The following EPS15 variants were observed in gnomAD, a reference collection of about 807,000 sequenced individuals.
EPS15 encodes epidermal growth factor receptor pathway substrate 15, also known as epidermal growth factor receptor substrate 15.
EPS15 carries 72 observed loss-of-function variants against 113.8 expected under a neutral mutation model. The observed-to-expected ratio is 0.63, with a 90% CI of 0.52 to 0.77. The LOEUF (loss-of-function observed/expected upper bound fraction) is 0.77. Ranked by LOEUF, EPS15 falls within the 30% of genes least tolerant of loss-of-function variation. The pLI is 0.00. For missense variants in EPS15, 1,048 were observed against 1,045.8 expected, an observed-to-expected ratio of 1.00 and a Z score of -0.03; for synonymous variants, 344 against 363.4, an observed-to-expected ratio of 0.95 and a Z score of 0.61.
intron 18 of EPS15, among the ~76,000 whole-genome samples, chr1:51,401,413 T>C (rs1375254169): frequency 6.6e-6 from 1 of 152,200 alleles, no homozygotes; most frequent in African/African-American, 2.4e-5. Context: ...TTAGGACAAC[T>C]GGATATCCAC....
At chr1:51,483,803 TA>T (rs112681342) in intron 1 of EPS15, among the ~76,000 whole-genome samples, 1,793 of 133,912 alleles carry the variant, frequency 0.013, 19 homozygotes, top group African/African-American at 0.036. Context: ...AGACTCCACC[TA>T]AAAAAAAAAA....
At chr1:51,501,159 G>A (rs969570324) in intron 1 of EPS15, among the ~76,000 whole-genome samples, 9 of 151,996 alleles carry the variant, frequency 5.9e-5, no homozygotes, top group Non-Finnish European at 1.2e-4. Flanking sequence ...TGTAATCCCA[G>A]CACTTTGAGA....
chr1:51,402,748 C>A (rs1268536618), intron 17 of EPS15, among the ~76,000 whole-genome samples: 1 of 151,970 alleles, frequency 6.6e-6, no homozygotes, highest in Non-Finnish European at 1.5e-5. Flanking sequence ...AATGGTGAAA[C>A]CCCGTCTCTA....
chr1:51,382,624 G>A (rs1454834527), intron 21 of EPS15, among the ~76,000 whole-genome samples: 2 of 151,956 alleles, frequency 1.3e-5, no homozygotes, highest in Non-Finnish European at 2.9e-5. Context: ...TCACCATGTT[G>A]GCCAGGCTGG....
At chr1:51,473,159 T>C (rs1296026463) in intron 2 of EPS15, among the ~76,000 whole-genome samples, 4 of 152,218 alleles carry the variant, frequency 2.6e-5, no homozygotes, top group Non-Finnish European at 5.9e-5. Context: ...GTTTTTGTTT[T>C]ATCATGCCCT....
At chr1:51,399,588 G>A (rs779511412) in intron 19 of EPS15, among the ~76,000 whole-genome samples, 1 of 152,092 alleles carries the variant, frequency 6.6e-6, no homozygotes, top group Non-Finnish European at 1.5e-5. Flanking sequence ...GCCAGGTGCA[G>A]TGGCTCACAC....
At chr1:51,467,218 T>G (rs1409291059) in intron 5 of EPS15, among the ~76,000 whole-genome samples, 1 of 152,144 alleles carries the variant, frequency 6.6e-6, no homozygotes. Flanking sequence ...CTCAAACAAT[T>G]GCTGGAGGGA....
chr1:51,493,522 C>A (rs901203369), intron 1 of EPS15, among the ~76,000 whole-genome samples: 1 of 134,098 alleles, frequency 7.5e-6, no homozygotes, highest in African/African-American at 2.8e-5. Context: ...AAGACTCAGT[C>A]TCAAATTAAA....
chr1:51,478,473 T>C (rs1184786738), intron 2 of EPS15, among the ~76,000 whole-genome samples: 2 of 151,916 alleles, frequency 1.3e-5, no homozygotes, highest in South Asian at 2.1e-4. Context: ...TTAATATTGT[T>C]ATGTGTGAAT....
At chr1:51,432,734 G>C (rs1651839435) in intron 12 of EPS15, among the ~76,000 whole-genome samples, 1 of 152,082 alleles carries the variant, frequency 6.6e-6, no homozygotes, top group Admixed American at 6.6e-5. Flanking sequence ...TTAGCAAGGA[G>C]GTTTTCAAGT....
chr1:51,482,763 G>A (rs1644045302), intron 1 of EPS15, among the ~76,000 whole-genome samples: 1 of 152,132 alleles, frequency 6.6e-6, no homozygotes, highest in Admixed American at 6.5e-5. Flanking sequence ...ACCACACCCG[G>A]CCTTAGGAAG....
At chr1:51,357,462 ATC>A (rs1190039359) in intron 24 of EPS15, among the ~76,000 whole-genome samples, 10 of 124,214 alleles carry the variant, frequency 8.1e-5, no homozygotes, top group Non-Finnish European at 1.1e-4. Flanking sequence ...ATATATATAT[ATC>A]TCACTAAAAA....
intron 1 of EPS15, among the ~76,000 whole-genome samples, chr1:51,495,357 T>A (rs1263537002): frequency 6.6e-6 from 1 of 151,908 alleles, no homozygotes; most frequent in East Asian, 1.9e-4. Flanking sequence ...ATTTTTATTT[T>A]TTTTTTTGCT....
intron 2 of EPS15, 128 bp downstream of exon 2, chr1:51,481,145 G>T: frequency 3.0e-6 from 2 of 677,664 alleles, no homozygotes; most frequent in East Asian, 5.5e-5. Flanking sequence ...AGTGGAGGCT[G>T]TAAACAAGAT....
chr1:51,404,365 G>A (rs1013925451), intron 16 of EPS15, among the ~76,000 whole-genome samples: 9 of 148,648 alleles, frequency 6.1e-5, no homozygotes, highest in Non-Finnish European at 8.9e-5. Flanking sequence ...GCAACAGAGC[G>A]AGACTCCGTC....
At chr1:51,367,049 TA>T (rs1646522438) in intron 21 of EPS15, among the ~76,000 whole-genome samples, 1 of 152,114 alleles carries the variant, frequency 6.6e-6, no homozygotes, top group Non-Finnish European at 1.5e-5. Flanking sequence ...CAAATAATAA[TA>T]AAACAGTCTT....
At chr1:51,389,590 C>T (rs1476911557) in intron 21 of EPS15, among the ~76,000 whole-genome samples, 1 of 152,364 alleles carries the variant, frequency 6.6e-6, no homozygotes, top group Non-Finnish European at 1.5e-5. Context: ...AGCCCAAAAT[C>T]TCCTTAAGCT....
rs72910270 is a variant in EPS15, at chr1:51,452,441, C to T, written c.562-4306G>A. The stretch of plus-strand genomic sequence containing the variant: ...GTGACTACATGCGTACGTCACCATG[C>T]CTGGCTAATTTTTTTATGTTTTGCA... On this transcript the variant is annotated intron_variant, in intron 8 of 24. Transcript: ENST00000371733. Among the ~76,000 whole-genome samples the T allele has an allele frequency of 7.5e-3, 1,135 of 152,142 alleles. 13 individuals are homozygous for T. The highest frequency in any genetic ancestry group is 0.026 in the African/African-American group (1,091 of 41,490).
At chr1:51,385,226 CA>C (rs1320356790) in intron 21 of EPS15, among the ~76,000 whole-genome samples, 1 of 151,990 alleles carries the variant, frequency 6.6e-6, no homozygotes, top group African/African-American at 2.4e-5. Context: ...AAAAATTCAA[CA>C]AAAACAACCT....
Sources: allele counts gnomAD v4.1 joint callset (sites outside exome capture counted in the v4.1 genomes callset), GRCh38; gene constraint gnomAD v4.1.1; transcripts MANE v1.5; gene names NCBI Gene and HGNC (gene_info 2026-07-23, HGNC 2026-07-21).